ZFHX3: variants seen among roughly 807,000 people sequenced by gnomAD.
The protein encoded by ZFHX3 is zinc finger homeobox protein 3.
A neutral mutation model predicts 279.1 loss-of-function variants in ZFHX3; 42 were observed. That is an observed-to-expected ratio of 0.15 (90% CI 0.12 to 0.19). The LOEUF is 0.19. ZFHX3 is among the 10% of genes least tolerant of loss of function. The pLI, the probability that ZFHX3 is intolerant of heterozygous loss-of-function variation, is 1.00. For synonymous variants in ZFHX3, 2,293 were observed against 1,957.8 expected (o/e 1.17, Z -4.52); for missense variants, 4,981 against 4,754.0 (o/e 1.05, Z -1.40).
intron 1 of ZFHX3, among the ~76,000 whole-genome samples, chr16:73,013,574 C>T (rs1044059117): frequency 1.3e-4 from 20 of 152,196 alleles, no homozygotes; most frequent in African/African-American, 4.8e-4. Context: ...AGGCCTGAAC[C>T]ACGGTGCCTG....
At chr16:73,174,132 C>T (rs759562243) in intron 5 of ZFHX3, among the ~76,000 whole-genome samples, 1 of 152,086 alleles carries the variant, frequency 6.6e-6, no homozygotes, top group Non-Finnish European at 1.5e-5. Context: ...CCTTTTTTTC[C>T]TTAACTTCAG....
At chr16:73,630,084 T>C (rs1461775280) in intron 2 of ZFHX3, among the ~76,000 whole-genome samples, 2 of 152,108 alleles carry the variant, frequency 1.3e-5, no homozygotes, top group African/African-American at 4.8e-5. Context: ...TCTAGACAGG[T>C]GTCATGATAT....
chr16:73,426,595 T>TGA (rs1188117419), intron 3 of ZFHX3, among the ~76,000 whole-genome samples: 2 of 151,962 alleles, frequency 1.3e-5, no homozygotes, highest in Admixed American at 6.6e-5. Flanking sequence ...TGTGTGTGTG[T>TGA]GAGAGAGAGA....
At chr16:73,021,776 A>G (rs1294872916) in intron 1 of ZFHX3, among the ~76,000 whole-genome samples, 1 of 145,964 alleles carries the variant, frequency 6.9e-6, no homozygotes, top group Non-Finnish European at 1.5e-5. Flanking sequence ...GGTTGCAGTG[A>G]GCCAAGATCA....
intron 2 of ZFHX3, chr16:73,504,545 G>A (rs2019291034): frequency 6.6e-6 from 1 of 152,314 alleles, no homozygotes; most frequent in African/African-American, 2.4e-5. Context: ...GAGGGAGGAA[G>A]GAAAGAGAAG....
intron 4 of ZFHX3, among the ~76,000 whole-genome samples, chr16:72,860,029 C>A (rs569649995): frequency 2.2e-4 from 33 of 152,316 alleles, no homozygotes; most frequent in Admixed American, 1.6e-3. Flanking sequence ...TATTTCCGTG[C>A]CCCTCGACAT....
intron 3 of ZFHX3, among the ~76,000 whole-genome samples, chr16:73,403,657 G>C (rs753349219): frequency 6.6e-6 from 1 of 152,296 alleles, no homozygotes; most frequent in African/African-American, 2.4e-5. Flanking sequence ...ACTAAGAAAG[G>C]GTCTGAACTG....
Position 73,598,964 on chromosome 16 carries a change from T to A in ZFHX3, c.-1547+81216A>T, listed in dbSNP as rs551735874. ...TTTTAGTAGAGACGGGGTTTCACCATCGTGGCCAGGCTGGTCTTGAACTCC... is the reference window on the plus strand; with the variant it reads ...TTTTAGTAGAGACGGGGTTTCACCAACGTGGCCAGGCTGGTCTTGAACTCC... On this transcript the variant is annotated intron_variant, in intron 2 of 17. Coordinates refer to the ZFHX3 transcript ENST00000641206. Among the ~76,000 whole-genome samples the A allele has an allele frequency of 9.8e-4, 150 of 152,316 alleles. 1 individual carries two copies. Among genetic ancestry groups the A allele is most frequent in the African/African-American group, 3.5e-3 (146 of 41,566 alleles).
chr16:73,063,608 C>G (rs1965713183), upstream of ZFHX3, among the ~76,000 whole-genome samples: 1 of 151,876 alleles, frequency 6.6e-6, no homozygotes, highest in Non-Finnish European at 1.5e-5. Context: ...GTAAAAATCA[C>G]CCCCCCTCCC....
intron 2 of ZFHX3, among the ~76,000 whole-genome samples, chr16:73,588,256 G>GTC: frequency 6.6e-6 from 1 of 152,110 alleles, no homozygotes; most frequent in Non-Finnish European, 1.5e-5. Flanking sequence ...TGCAGATAAA[G>GTC]AATGTACGTA....
intron 1 of ZFHX3, chr16:73,058,496 GGGAA>G: frequency 6.0e-6 from 1 of 167,958 alleles, no homozygotes; most frequent in Non-Finnish European, 1.2e-5. Context: ...CGGCGGCGGC[GGGAA>G]AAAAAAAAGA....
intron 1 of ZFHX3, among the ~76,000 whole-genome samples, chr16:73,764,460 G>C (rs1211033322): frequency 1.3e-5 from 2 of 152,188 alleles, no homozygotes; most frequent in Non-Finnish European, 2.9e-5. Context: ...GGGGAAGGCA[G>C]AGCTTTATCC....
At chr16:72,905,676 T>A (rs760283775) in intron 3 of ZFHX3, among the ~76,000 whole-genome samples, 3 of 152,312 alleles carry the variant, frequency 2.0e-5, no homozygotes, top group Non-Finnish European at 2.9e-5. Context: ...AAGAATGTGG[T>A]ACATATTTTA....
chr16:73,301,949 C>T (rs1320298897), intron 4 of ZFHX3, among the ~76,000 whole-genome samples: 10 of 152,004 alleles, frequency 6.6e-5, no homozygotes, highest in East Asian at 1.9e-4. Flanking sequence ...CCACAAGGCC[C>T]GACAGAGTCC....
chr16:73,875,744 G>A (rs940690547), intron 1 of ZFHX3, among the ~76,000 whole-genome samples: 28 of 152,060 alleles, frequency 1.8e-4, no homozygotes, highest in Non-Finnish European at 2.8e-4. Flanking sequence ...ATGATGAACC[G>A]GATTGCTTAT....
Position 72,960,077 on chromosome 16 carries a change from T to C in ZFHX3, c.69A>G (p.Gln23=). Residue 23 remains glutamine (Q), a synonymous_variant, in exon 2 of 10, where the codon CAA becomes CAG. Transcript: ENST00000268489. ...GGTGGGTGCTGTTGAGTTCAGTCCA[T>C]TGCTGGTGCTGAGGGATACCGCACC... ...DNGCGIPQHQ[Q]WTELNSTHLP... The C allele has an allele frequency of 2.5e-6, 4 of 1,613,572 alleles. No individual in the cohort carries two copies. Among genetic ancestry groups the C allele is most frequent in the Non-Finnish European group, 3.4e-6 (4 of 1,179,780 alleles).
intron 1 of ZFHX3, among the ~76,000 whole-genome samples, chr16:73,773,209 G>A (rs544761159): frequency 1.7e-4 from 26 of 152,322 alleles, no homozygotes; most frequent in Non-Finnish European, 2.4e-4. Context: ...AGTGGCTACC[G>A]TGTTGCACGG....
intron 2 of ZFHX3, among the ~76,000 whole-genome samples, chr16:73,538,169 C>T (rs748771654): frequency 6.6e-6 from 1 of 152,100 alleles, no homozygotes; most frequent in African/African-American, 2.4e-5. Flanking sequence ...GTACATATCA[C>T]GTCAATGACT....
intron 2 of ZFHX3, among the ~76,000 whole-genome samples, chr16:73,527,473 A>G (rs2143719417): frequency 6.6e-6 from 1 of 152,282 alleles, no homozygotes; most frequent in East Asian, 1.9e-4. Flanking sequence ...ACTGTAGTTG[A>G]CAATGTCTGA....
Sources: allele counts gnomAD v4.1 joint callset (sites outside exome capture counted in the v4.1 genomes callset), GRCh38; gene constraint gnomAD v4.1.1; transcripts MANE v1.5; gene names NCBI Gene and HGNC (gene_info 2026-07-23, HGNC 2026-07-21).